Variants in KDM5A observed in about 807,000 individuals in gnomAD.
KDM5A encodes the protein lysine demethylase 5A.
In KDM5A, 42 loss-of-function variants were observed where a neutral mutation model predicts 193.5. The observed-to-expected ratio is 0.22, with a 90% CI of 0.17 to 0.28. The LOEUF (loss-of-function observed/expected upper bound fraction) is 0.28. Ranked by LOEUF, KDM5A falls within the 10% of genes least tolerant of loss-of-function variation. The pLI is 1.00. For missense variants in KDM5A, 1,692 were observed against 2,055.1 expected (o/e 0.82, Z 3.42); for synonymous variants, 796 against 718.1 (o/e 1.11, Z -1.73).
chr12:324,758 A>C (rs1456115664), intron 14 of KDM5A, among the ~76,000 whole-genome samples: 1 of 152,118 alleles, frequency 6.6e-6, no homozygotes, highest in African/African-American at 2.4e-5. Flanking sequence ...CTGTAGTCCC[A>C]GCTACTCAGG....
At chr12:293,735 A>C (rs1943332530) in intron 26 of KDM5A, among the ~76,000 whole-genome samples, 1 of 136,262 alleles carries the variant, frequency 7.3e-6, no homozygotes, top group Non-Finnish European at 1.6e-5. Context: ...GCCGCAATCA[A>C]TCCACTGCAC....
chr12:387,850 T>C (rs1454902926), intron 1 of KDM5A, among the ~76,000 whole-genome samples: 2 of 152,238 alleles, frequency 1.3e-5, no homozygotes, highest in African/African-American at 2.4e-5. Flanking sequence ...ATCTCTGTGG[T>C]AGTCAGTGGT....
At chr12:341,858 C>T (rs1944009647) in intron 10 of KDM5A, among the ~76,000 whole-genome samples, 1 of 150,996 alleles carries the variant, frequency 6.6e-6, no homozygotes, top group African/African-American at 2.4e-5. Context: ...CAAGATGGTG[C>T]CACTGTACTC....
chr12:303,225 C>T (rs1943467262), intron 24 of KDM5A, among the ~76,000 whole-genome samples: 1 of 152,184 alleles, frequency 6.6e-6, no homozygotes, highest in Non-Finnish European at 1.5e-5. Flanking sequence ...ATGTTTACTG[C>T]AGTGCTGTTC....
At chr12:311,255 A>T (rs1426671261) in intron 20 of KDM5A, 191 bp from the exon 21 acceptor site, 10 of 612,900 alleles carry the variant, frequency 1.6e-5, no homozygotes, top group Non-Finnish European at 2.8e-5. Flanking sequence ...TATTTTTTTA[A>T]TGAACATGTC....
rs1161179212 is a variant in KDM5A, at chr12:292,872, C to G, written c.4753G>C (p.Glu1585Gln). Residue 1585 changes from glutamate to glutamine, a missense_variant, in exon 27 of 28, where the codon GAG becomes CAG. This residue lies in a region of KDM5A where 965 missense variants were observed against 1,061.0 expected (regional missense o/e 0.91). Transcript: ENST00000399788. ...GAGGGGATGTCCAGCACCTTTTTCTCTCTTTTCTTTTCAGTGCTCTCTTTC... is the reference window on the plus strand; with the variant it reads ...GAGGGGATGTCCAGCACCTTTTTCTGTCTTTTCTTTTCAGTGCTCTCTTTC... ...LVKESTEKKR[E>Q]KKVLDIPSKY... The G allele has an allele frequency of 6.2e-7, 1 of 1,614,228 alleles. No individual in the cohort carries two copies. Among genetic ancestry groups the G allele is most frequent in the South Asian group, 1.1e-5 (1 of 91,088 alleles).
At chr12:333,841 T>C (rs977221470) in intron 11 of KDM5A, among the ~76,000 whole-genome samples, 192 bp from the exon 12 acceptor site, 3 of 152,160 alleles carry the variant, frequency 2.0e-5, no homozygotes, top group African/African-American at 7.2e-5. Context: ...GTAGTATGTA[T>C]AGGCAGATAC....
intron 10 of KDM5A, among the ~76,000 whole-genome samples, chr12:349,860 T>C (rs1466885409): frequency 1.3e-5 from 2 of 151,864 alleles, no homozygotes; most frequent in Non-Finnish European, 2.9e-5. Context: ...CCGGGCGCAG[T>C]GACTCACGCC....
intron 10 of KDM5A, among the ~76,000 whole-genome samples, chr12:338,378 C>T (rs1311259506): frequency 6.6e-6 from 1 of 152,184 alleles, no homozygotes; most frequent in African/African-American, 2.4e-5. Context: ...ATCTAATGAA[C>T]ACACATGTAA....
chr12:332,338 CAT>C (rs1490557106), intron 12 of KDM5A, among the ~76,000 whole-genome samples: 3 of 152,188 alleles, frequency 2.0e-5, no homozygotes, highest in African/African-American at 7.2e-5. Context: ...ACTCACATGG[CAT>C]ATGAGACATC....
intron 14 of KDM5A, among the ~76,000 whole-genome samples, chr12:323,994 C>A (rs1259619671): frequency 6.6e-6 from 1 of 152,084 alleles, no homozygotes; most frequent in Admixed American, 6.5e-5. Context: ...TAAGGATGCA[C>A]ATTTGAGTGA....
intron 15 of KDM5A, 28 bp downstream of exon 15, chr12:323,571 TG>T: frequency 1.9e-6 from 3 of 1,601,308 alleles, no homozygotes; most frequent in Non-Finnish European, 2.6e-6. Context: ...AAAAAGGTAA[TG>T]GAAGTTTTAC....
chr12:342,988 A>C (rs1591922309), intron 10 of KDM5A, among the ~76,000 whole-genome samples: 1 of 152,300 alleles, frequency 6.6e-6, no homozygotes, highest in East Asian at 1.9e-4. Context: ...TCACCCTGGA[A>C]GAACAAGGGG....
chr12:389,113 G>C lies in KDM5A; in HGVS notation c.-22C>G, dbSNP rs762367916. On this transcript the variant is annotated 5_prime_UTR_variant, in exon 1 of 28. Coordinates refer to ENST00000399788, the MANE Select transcript of KDM5A (RefSeq NM_001042603.3). ...CCATTGCAACGGCCGGGGGGGGGGG[G>C]GGGTCCCCGTGGGGAACCGGTGGAG... 23 of 1,584,322 alleles carry C rather than the reference G, an allele frequency of 1.5e-5. No homozygotes were observed. The East Asian group carries it at 3.8e-4, about 26-fold the overall frequency.
intron 5 of KDM5A, among the ~76,000 whole-genome samples, chr12:360,120 A>C (rs1184157719): frequency 1.3e-5 from 2 of 152,146 alleles, no homozygotes; most frequent in Non-Finnish European, 2.9e-5. Context: ...TAAAAATATA[A>C]AAAATGAGCC....
chr12:306,806 G>A (rs527470517), intron 24 of KDM5A, 140 bp downstream of exon 24: 12 of 883,268 alleles, frequency 1.4e-5, no homozygotes, highest in Middle Eastern at 3.5e-4. Context: ...AAAATGCTAC[G>A]ACTAAAAACT....
chr12:371,235 G>A (rs1478595060), intron 3 of KDM5A, among the ~76,000 whole-genome samples: 1 of 152,210 alleles, frequency 6.6e-6, no homozygotes, highest in Non-Finnish European at 1.5e-5. Context: ...CCCACTAACA[G>A]TGTAAAATTG....
intron 12 of KDM5A, among the ~76,000 whole-genome samples, chr12:332,313 GAACT>G (rs1197677597): frequency 6.6e-6 from 1 of 152,056 alleles, no homozygotes; most frequent in African/African-American, 2.4e-5. Flanking sequence ...TAATTTTTTG[GAACT>G]AACTAAATTA....
chr12:368,004 C>CTT (rs1230300549), intron 3 of KDM5A, among the ~76,000 whole-genome samples: 1 of 152,152 alleles, frequency 6.6e-6, no homozygotes, highest in Non-Finnish European at 1.5e-5. Context: ...CAGCAATACT[C>CTT]TTGAGAGTCA....
Sources: gnomAD v4.1 joint callset for allele counts (sites outside exome capture counted in the v4.1 genomes callset) on GRCh38, gnomAD v4.1.1 for gene constraint, gnomAD v4.1.1 regional missense constraint, MANE v1.5 for transcripts, NCBI Gene and HGNC (gene_info 2026-07-23, HGNC 2026-07-21) for gene names.